ARHGEF38: variants seen among roughly 807,000 people sequenced by gnomAD.
The protein encoded by ARHGEF38 is Rho guanine nucleotide exchange factor (GEF) 38.
ARHGEF38 carries 79 observed loss-of-function variants against 79.9 expected under a neutral mutation model. The observed-to-expected ratio is 0.99, with a 90% confidence interval of 0.82 to 1.19. The LOEUF is 1.19. Among genes scored for constraint, ARHGEF38 ranks in the 50% most tolerant of loss-of-function variants. The pLI, the probability that ARHGEF38 is intolerant of heterozygous loss-of-function variation, is 0.00. For missense variants in ARHGEF38, 962 were observed against 907.2 expected (o/e 1.06, Z -0.78); for synonymous variants, 366 against 328.3 (o/e 1.11, Z -1.24).
chr4:105,656,667 T>C (rs1358720445), intron 9 of ARHGEF38, among the ~76,000 whole-genome samples: 1 of 152,214 alleles, frequency 6.6e-6, no homozygotes, highest in Non-Finnish European at 1.5e-5. Flanking sequence ...ATCTTGAAAG[T>C]GGCATTTTCG....
intron 13 of ARHGEF38, among the ~76,000 whole-genome samples, chr4:105,670,257 G>A (rs1730915528): frequency 6.6e-6 from 1 of 152,164 alleles, no homozygotes; most frequent in African/African-American, 2.4e-5. Context: ...AGCAAAGTGT[G>A]AGGTTTATGG....
chr4:105,617,644 G>C (rs1244414905), intron 3 of ARHGEF38, among the ~76,000 whole-genome samples: 1 of 152,116 alleles, frequency 6.6e-6, no homozygotes, highest in Non-Finnish European at 1.5e-5. Flanking sequence ...ATTGCATTTT[G>C]TTAAAAATCA....
At chr4:105,605,804 C>CA (rs1728012445) in intron 2 of ARHGEF38, among the ~76,000 whole-genome samples, 1 of 152,022 alleles carries the variant, frequency 6.6e-6, no homozygotes, top group African/African-American at 2.4e-5. Context: ...TGCCAACATC[C>CA]TTTTTTTCCA....
rs1729793704 is a variant in ARHGEF38 at position 105,645,332 on chromosome 4, T to G, written c.819T>G (p.Ala273=). The G allele has an allele frequency of 6.5e-7, 1 of 1,533,984 alleles. No individual in the cohort carries two copies. The highest frequency in any genetic ancestry group is 8.7e-7 in the Non-Finnish European group (1 of 1,146,428). Residue 273 remains alanine, a synonymous_variant, in exon 6 of 14, where the codon GCT becomes GCG. Transcript: ENST00000420470. ...ACAGAGCACTGGACGATGCCTTTGC[T>G]GCTGTGAAGGACATTAATGTTAACA... ...PDYRALDDAF[A]AVKDINVNIN...
intron 1 of ARHGEF38, among the ~76,000 whole-genome samples, chr4:105,558,300 G>A (rs570457382): frequency 2.1e-4 from 32 of 152,296 alleles, no homozygotes; most frequent in African/African-American, 7.2e-4. Flanking sequence ...GACTTGGTGA[G>A]TTTTGTTCAA....
At chr4:105,648,824 CTCTCTCTCTCTCTCTCTCTCTCTT>C (rs974713072) in intron 7 of ARHGEF38, 142 bp downstream of exon 7, 7 of 594,042 alleles carry the variant, frequency 1.2e-5, no homozygotes, top group African/African-American at 7.7e-5. Flanking sequence ...GTCTCCCTCT[CTCTCTCTCTCTCTCTCTCTCTCTT>C]TCTCTCTCTC....
chr4:105,586,322 A>G (rs1727046783), intron 1 of ARHGEF38, among the ~76,000 whole-genome samples: 1 of 151,972 alleles, frequency 6.6e-6, no homozygotes. Context: ...GAGTCAAAAG[A>G]GCAAACAAAG....
intron 4 of ARHGEF38, among the ~76,000 whole-genome samples, chr4:105,633,292 A>T (rs1729269138): frequency 6.6e-6 from 1 of 152,210 alleles, no homozygotes; most frequent in South Asian, 2.1e-4. Flanking sequence ...GATGGATTGT[A>T]CTGGTCTGCC....
At chr4:105,585,874 G>A (rs1451417757) in intron 1 of ARHGEF38, among the ~76,000 whole-genome samples, 1 of 151,764 alleles carries the variant, frequency 6.6e-6, no homozygotes, top group Non-Finnish European at 1.5e-5. Flanking sequence ...TGGGATTACA[G>A]GCATGTGCCA....
rs1003482358 is a variant in ARHGEF38, at chr4:105,614,032, T to A, written c.508+525T>A. Among the ~76,000 whole-genome samples the A allele has an allele frequency of 4.6e-5, 7 of 152,158 alleles. No homozygotes were observed. The East Asian group carries it at 1.3e-3, about 29-fold the overall frequency. On this transcript the variant is annotated intron_variant, in intron 3 of 13. Transcript: ENST00000420470. The stretch of plus-strand genomic sequence containing the variant: ...GTATTATTTACCTTCCAAATATGTT[T>A]TTACTGTCAATCAGATATATTTATT...
rs57478337 is a variant in ARHGEF38, at chr4:105,645,241, G to A, written c.728G>A (p.Arg243His). Reference protein sequence around the residue: ...MGSLMIKPIQRVMKYPLLLCE... With the variant: ...MGSLMIKPIQHVMKYPLLLCE... ...TCTTTGATGATCAAACCAATTCAAC[G>A]TGTGATGAAATACCCCCTATTACTG... The change falls in exon 6 of 14, where the codon CGT becomes CAT. Residue 243 changes from arginine to histidine, a missense_variant. By Grantham distance (29) the Arg-to-His change is conservative (BLOSUM62 0). Transcript: ENST00000420470. 1,142 of 1,535,496 alleles carry A rather than the reference G, an allele frequency of 7.4e-4. 9 individuals carry two copies. In the African/African-American group the frequency reaches 0.014, roughly 18 times the overall value.
intron 1 of ARHGEF38, chr4:105,561,479 A>AATGGAATGGAATAGAATG: frequency 1.9e-5 from 1 of 53,350 alleles, no homozygotes; most frequent in Non-Finnish European, 4.1e-5. Flanking sequence ...AGAATAGAAT[A>AATGGAATGGAATAGAATG]GAATAGAATA....
At chr4:105,646,432 T>A (rs1729843285) in intron 6 of ARHGEF38, among the ~76,000 whole-genome samples, 1 of 152,194 alleles carries the variant, frequency 6.6e-6, no homozygotes, top group African/African-American at 2.4e-5. Context: ...GGAAATGTAA[T>A]CATTGAAATC....
intron 3 of ARHGEF38, among the ~76,000 whole-genome samples, chr4:105,624,934 C>T (rs1159648108): frequency 6.6e-6 from 1 of 152,216 alleles, no homozygotes; most frequent in Non-Finnish European, 1.5e-5. Flanking sequence ...GCACCCAGAT[C>T]TCAGACCTTC....
chr4:105,608,424 A>T (rs138862116), intron 2 of ARHGEF38, among the ~76,000 whole-genome samples: 1,628 of 151,850 alleles, frequency 0.011, 17 homozygotes, highest in Non-Finnish European at 0.017. Context: ...TTATTTACTT[A>T]TTTTTAATTT....
At chr4:105,610,133 C>T (rs1402686844) in intron 2 of ARHGEF38, among the ~76,000 whole-genome samples, 1 of 152,070 alleles carries the variant, frequency 6.6e-6, no homozygotes, top group Non-Finnish European at 1.5e-5. Flanking sequence ...GGCATGTTCT[C>T]ACTCGTAAGT....
chr4:105,561,543 A>AGAATAGAATAGAATAGAAT (rs1725627818), intron 1 of ARHGEF38: 1 of 128,304 alleles, frequency 7.8e-6, no homozygotes, highest in Admixed American at 7.8e-5. Flanking sequence ...TAGAATAGAA[A>AGAATAGAATAGAATAGAAT]AGTTTCTTTC....
In ARHGEF38 at chr4:105,659,067, A is replaced by T. The variant is rs1381881417; in HGVS notation, c.1247A>T (p.Gln416Leu). 1.3e-6 allele frequency: 2 copies of T among 1,534,868 alleles called. No homozygotes were observed. Among genetic ancestry groups the T allele is most frequent in the Non-Finnish European group, 1.7e-6 (2 of 1,146,192 alleles). ...TTCTTTTGGCAGGCATCTCACTTACAGAGACTCATCCTGACCCCCTTGTCA... is the reference window on the plus strand; with the variant it reads ...TTCTTTTGGCAGGCATCTCACTTACTGAGACTCATCCTGACCCCCTTGTCA... ...NSCHDFASHL[Q>L]RLILTPLSAL... Residue 416 changes from glutamine (Q) to leucine (L), a missense_variant, in exon 10 of 14, where the codon CAG becomes CTG. Coordinates refer to ENST00000420470, the MANE Select transcript of ARHGEF38 (RefSeq NM_001242729.2).
At chr4:105,574,284 A>C (rs1181596358) in intron 1 of ARHGEF38, among the ~76,000 whole-genome samples, 1 of 152,154 alleles carries the variant, frequency 6.6e-6, no homozygotes, top group African/African-American at 2.4e-5. Flanking sequence ...GCGGTGGCTC[A>C]CACCTGTAAT....
Sources: gnomAD v4.1 joint callset for allele counts (sites outside exome capture counted in the v4.1 genomes callset) on GRCh38, gnomAD v4.1.1 for gene constraint, MANE v1.5 for transcripts, NCBI Gene and HGNC (gene_info 2026-07-23, HGNC 2026-07-21) for gene names.